PKHD1: variants seen among roughly 807,000 people sequenced by gnomAD.
The protein encoded by PKHD1 is PKHD1 ciliary IPT domain containing fibrocystin/polyductin, also known as fibrocystin.
Under a neutral mutation model 412.0 loss-of-function variants are expected in PKHD1, and 291 were observed. The ratio of observed to expected loss-of-function variants is 0.71; its 90% CI spans 0.64 to 0.78. PKHD1 has a LOEUF of 0.78. Among genes scored for constraint, PKHD1 ranks in the 30% least tolerant of loss-of-function variants. The probability of loss-of-function intolerance (pLI) is 0.00; values close to 1 mark genes in which losing one functional copy is unlikely to be tolerated. For missense variants in PKHD1, 4,825 were observed against 4,950.7 expected (o/e 0.97, Z 0.76); for synonymous variants, 1,777 against 1,821.5 (o/e 0.98, Z 0.62).
rs1388351743 is a variant in PKHD1, at chr6:51,906,358, A to C, written c.6683-18T>G. 1.2e-6 allele frequency: 2 copies of C among 1,606,402 alleles called. No homozygotes were observed. Among genetic ancestry groups the C allele is most frequent in the Non-Finnish European group, 1.7e-6 (2 of 1,173,480 alleles). On this transcript the variant is annotated intron_variant, in intron 40 of 66. Coordinates refer to ENST00000371117, the MANE Select transcript of PKHD1 (RefSeq NM_138694.4). ...GAAAGACTCTGAATAGGAAAGAGTA[A>C]AGTAAAAATTAGATATGGCTCCTGA...
At chr6:52,050,772 C>T (rs1806708081) in intron 21 of PKHD1, among the ~76,000 whole-genome samples, 2 of 152,136 alleles carry the variant, frequency 1.3e-5, no homozygotes, top group Admixed American at 6.5e-5. Context: ...AGAAAGGGTG[C>T]AAGCTTTAAG....
At chr6:51,718,130 C>T (rs1224830181) in intron 60 of PKHD1, among the ~76,000 whole-genome samples, 1 of 152,172 alleles carries the variant, frequency 6.6e-6, no homozygotes, top group Non-Finnish European at 1.5e-5. Flanking sequence ...TTTTAATATA[C>T]GTAATGGATC....
intron 25 of PKHD1, among the ~76,000 whole-genome samples, chr6:52,044,407 T>C (rs573774144): frequency 2.6e-5 from 4 of 152,200 alleles, no homozygotes; most frequent in Admixed American, 1.3e-4. Context: ...TGCAATGGCA[T>C]GGACAATAAA....
At chr6:51,654,870 C>T (rs1771556089) in intron 61 of PKHD1, among the ~76,000 whole-genome samples, 3 of 151,968 alleles carry the variant, frequency 2.0e-5, no homozygotes, top group African/African-American at 7.2e-5. Context: ...ACATTATTTC[C>T]CATTGAATAA....
At position 51,619,201 on chromosome 6, in the gene PKHD1, A is replaced by G; in HGVS notation, c.12105T>C (p.Ser4035=). The change falls in exon 67 of 67, where the codon AGT becomes AGC. Residue 4035 remains serine (S), a synonymous_variant. Transcript: ENST00000371117. ...AGCTGCCACTTTGCTTACTCAGCCG[A>G]CTTTGCCCTGGCAACTGCTGCCTCT... ...RQERQQLPGQ[S]RLSKQSGSLG... 1 of 1,614,250 alleles carries G rather than the reference A, an allele frequency of 6.2e-7. No individual in the cohort carries two copies. Among genetic ancestry groups the G allele is most frequent in the Non-Finnish European group, 8.5e-7 (1 of 1,180,036 alleles).
At chr6:51,764,971 C>T (rs9382018) in intron 55 of PKHD1, among the ~76,000 whole-genome samples, 48,713 of 151,918 alleles carry the variant, frequency 0.32, 9,689 homozygotes, top group East Asian at 0.69. Context: ...ATGACATCAC[C>T]TACTTCCAAG....
chr6:51,638,531 A>T (rs1768885143), intron 64 of PKHD1, among the ~76,000 whole-genome samples: 1 of 152,112 alleles, frequency 6.6e-6, no homozygotes, highest in African/African-American at 2.4e-5. Context: ...TTATAAATTA[A>T]CATTCTCCTA....
At chr6:52,048,060 T>C (rs1806142763) in intron 23 of PKHD1, among the ~76,000 whole-genome samples, 1 of 152,216 alleles carries the variant, frequency 6.6e-6, no homozygotes, top group South Asian at 2.1e-4. Flanking sequence ...TGGAGTGATA[T>C]GGCCACAGCC....
At chr6:51,911,152 G>A (rs895923139) in intron 39 of PKHD1, among the ~76,000 whole-genome samples, 6 of 152,040 alleles carry the variant, frequency 3.9e-5, no homozygotes, top group Admixed American at 2.0e-4. Flanking sequence ...TGACACCCAC[G>A]CCATCCTGGA....
At chr6:51,677,925 T>A (rs925017778) in intron 60 of PKHD1, among the ~76,000 whole-genome samples, 9 of 152,200 alleles carry the variant, frequency 5.9e-5, no homozygotes, top group Non-Finnish European at 1.0e-4. Flanking sequence ...TTCAATAGAC[T>A]ATTTTATAAT....
chr6:51,716,640 A>G (rs1170526502), intron 60 of PKHD1, among the ~76,000 whole-genome samples: 4 of 152,010 alleles, frequency 2.6e-5, no homozygotes, highest in Admixed American at 2.6e-4. Context: ...TATATGTATA[A>G]CTGAGTTCCA....
intron 39 of PKHD1, among the ~76,000 whole-genome samples, chr6:51,911,509 AT>A (rs1782935276): frequency 6.6e-6 from 1 of 152,162 alleles, no homozygotes; most frequent in African/African-American, 2.4e-5. Context: ...CAGAAATGTA[AT>A]TCAACTCTTC....
intron 48 of PKHD1, 104 bp from the exon 49 acceptor site, chr6:51,856,174 T>G: frequency 1.3e-6 from 1 of 790,334 alleles, no homozygotes; most frequent in Non-Finnish European, 2.2e-6. Context: ...TTCCATTCTC[T>G]CCACATATGT....
chr6:51,651,269 T>TA (rs763937050), intron 61 of PKHD1, among the ~76,000 whole-genome samples: 74 of 152,302 alleles, frequency 4.9e-4, no homozygotes, highest in Non-Finnish European at 8.2e-4. Flanking sequence ...AAGCTCCACA[T>TA]AAACTCTTAA....
In PKHD1 at chr6:51,701,826, G is replaced by A. The variant is rs979807951; in HGVS notation, c.10157-41857C>T. ...AGAAGTCAGCAAAATTTCCATAAGA[G>A]ACCAAAGAGTAAGAATTTTAGGCTT... is the stretch of plus-strand genomic sequence containing the variant. On this transcript the variant is annotated intron_variant, in intron 60 of 66. Coordinates refer to ENST00000371117, the MANE Select transcript of PKHD1 (RefSeq NM_138694.4). Among the ~76,000 whole-genome samples the A allele has an allele frequency of 5.3e-5, 8 of 151,654 alleles. 1 individual carries two copies. The highest frequency in any genetic ancestry group is 1.2e-4 in the Non-Finnish European group (8 of 67,864).
At chr6:51,773,310 G>A (rs56246423) in intron 54 of PKHD1, among the ~76,000 whole-genome samples, 27,984 of 151,766 alleles carry the variant, frequency 0.18, 3,388 homozygotes, top group African/African-American at 0.34. Context: ...TCAAAATGCA[G>A]TTTATTTCAG....
chr6:51,837,552 A>G lies in PKHD1; in HGVS notation c.8108-1083T>C, dbSNP rs545899223. Among the ~76,000 whole-genome samples the G allele has an allele frequency of 1.1e-4, 17 of 152,070 alleles. No individual in the cohort carries two copies. In the East Asian group the frequency reaches 3.1e-3, roughly 28 times the overall value. On this transcript the variant is annotated intron_variant, in intron 50 of 66. Coordinates refer to ENST00000371117, the MANE Select transcript of PKHD1 (RefSeq NM_138694.4). ...TAAAACCCATCTCTACTAAAAACACAAAAACTAGCCATGCGTACTGGTGCA... is the reference window on the plus strand; with the variant it reads ...TAAAACCCATCTCTACTAAAAACACGAAAACTAGCCATGCGTACTGGTGCA...
In PKHD1 at chr6:52,025,697, C is replaced by T. The variant is rs1029566251; in HGVS notation, c.4113G>A (p.Lys1371=). ...CAGACATATTAGCAAATCCCATCTG[C>T]TTCTGACGTACTTGGAGAGGATAGA... is the stretch of plus-strand genomic sequence containing the variant. ...AGIYPLQVRQ[K]QMGFANMSVV... The change falls in exon 32 of 67, where the codon AAG becomes AAA. Residue 1371 remains lysine, a synonymous_variant. Coordinates refer to ENST00000371117, the MANE Select transcript of PKHD1 (RefSeq NM_138694.4). 1.9e-6 allele frequency: 3 copies of T among 1,614,196 alleles called. No homozygotes were observed. Among genetic ancestry groups the T allele is most frequent in the African/African-American group, 2.7e-5 (2 of 75,038 alleles).
At chr6:52,053,962 G>A (rs912311433) in intron 20 of PKHD1, 76 bp downstream of exon 20, 3 of 1,453,492 alleles carry the variant, frequency 2.1e-6, no homozygotes, top group Non-Finnish European at 2.9e-6. Context: ...AGTGCCTGAG[G>A]TGGGTAACTG....
Sources: allele counts gnomAD v4.1 joint callset (sites outside exome capture counted in the v4.1 genomes callset), GRCh38; gene constraint gnomAD v4.1.1; transcripts MANE v1.5; gene names NCBI Gene and HGNC (gene_info 2026-07-23, HGNC 2026-07-21).